Variants in SCD5 observed in about 807,000 individuals in gnomAD.
SCD5 encodes stearoyl-CoA desaturase 5.
Under a neutral mutation model 30.4 loss-of-function variants are expected in SCD5, and 20 were observed. The observed-to-expected ratio is 0.66, with a 90% CI of 0.46 to 0.96. SCD5 has a LOEUF of 0.96. SCD5 is among the 40% of genes least tolerant of loss of function. The probability of loss-of-function intolerance (pLI) is 0.00; values close to 1 mark genes in which losing one functional copy is unlikely to be tolerated. For missense variants in SCD5, 381 were observed against 443.3 expected, an observed-to-expected ratio of 0.86 and a Z score of 1.26; for synonymous variants, 173 against 176.4, an observed-to-expected ratio of 0.98 and a Z score of 0.16.
intron 3 of SCD5, among the ~76,000 whole-genome samples, chr4:82,666,729 A>C (rs2148818179): frequency 6.6e-6 from 1 of 152,348 alleles, no homozygotes; most frequent in East Asian, 1.9e-4. Context: ...TTTTCTCCTT[A>C]GCTTTGGTAG....
chr4:82,713,277 G>A lies in SCD5; in HGVS notation c.233-7864C>T, dbSNP rs372497744. On this transcript the variant is annotated intron_variant, in intron 1 of 4. Transcript: ENST00000319540. ...TGCCTTGGGTTAGGTCCATTTACAC[G>A]GTTGTAACATACTGGGCAACTGCTA... Among the ~76,000 whole-genome samples the A allele has an allele frequency of 1.1e-4, 16 of 152,104 alleles. 1 individual carries two copies. The highest frequency in any genetic ancestry group is 2.9e-4 in the African/African-American group (12 of 41,514).
chr4:82,705,373 A>T lies in SCD5; in HGVS notation c.273T>A (p.Ala91=). 6.2e-7 allele frequency: 1 copy of T among 1,614,240 alleles called. No homozygotes were observed. The highest frequency in any genetic ancestry group is 8.5e-7 in the Non-Finnish European group (1 of 1,180,042). The stretch of plus-strand genomic sequence containing the variant: ...TGTGGCTCCACAAGCGATGGGCACC[A>T]GCTGTCACACCCAGAGCGGCCAGGA... The part of the protein sequence containing the change: ...CFLLAALGVT[A]GAHRLWSHRS... The change falls in exon 2 of 5, where the codon GCT becomes GCA. Residue 91 remains alanine (A), a synonymous_variant. Coordinates refer to ENST00000319540, the MANE Select transcript of SCD5 (RefSeq NM_001037582.3).
intron 2 of SCD5, among the ~76,000 whole-genome samples, chr4:82,684,463 A>G (rs1728652507): frequency 1.3e-5 from 2 of 152,318 alleles, no homozygotes; most frequent in East Asian, 3.9e-4. Context: ...TGTTCACCCA[A>G]TCAATCACCT....
At chr4:82,706,911 T>A (rs1399903850) in intron 1 of SCD5, among the ~76,000 whole-genome samples, 1 of 152,236 alleles carries the variant, frequency 6.6e-6, no homozygotes, top group Non-Finnish European at 1.5e-5. Flanking sequence ...TAAATTCTGC[T>A]GAAGCTCTTG....
intron 1 of SCD5, among the ~76,000 whole-genome samples, chr4:82,727,219 T>C (rs372645353): frequency 1.2e-4 from 19 of 152,330 alleles, no homozygotes; most frequent in Admixed American, 3.3e-4. Flanking sequence ...AACAATGATA[T>C]GCAGTGGACA....
chr4:82,779,273 C>A (rs578054550), intron 1 of SCD5, among the ~76,000 whole-genome samples: 31 of 151,868 alleles, frequency 2.0e-4, no homozygotes, highest in African/African-American at 7.5e-4. Flanking sequence ...AGGAGGCCAG[C>A]GTGATGTCAT....
chr4:82,647,298 A>G (rs1174570266), intron 3 of SCD5, among the ~76,000 whole-genome samples: 2 of 151,802 alleles, frequency 1.3e-5, no homozygotes, highest in Non-Finnish European at 2.9e-5. Context: ...CAACAGACAG[A>G]GTACAATCCT....
intron 1 of SCD5, among the ~76,000 whole-genome samples, chr4:82,788,682 T>C (rs1268455761): frequency 6.6e-6 from 1 of 152,206 alleles, no homozygotes; most frequent in Non-Finnish European, 1.5e-5. Flanking sequence ...TGAGCCATTG[T>C]ACCTGGCCAC....
chr4:82,635,086 AG>A (rs1160471244), intron 4 of SCD5, among the ~76,000 whole-genome samples: 1 of 152,246 alleles, frequency 6.6e-6, no homozygotes, highest in Non-Finnish European at 1.5e-5. Context: ...TCTACTTAAC[AG>A]TAGGAACTTT....
intron 1 of SCD5, among the ~76,000 whole-genome samples, chr4:82,727,159 T>A (rs1376532400): frequency 6.6e-6 from 1 of 152,166 alleles, no homozygotes; most frequent in Non-Finnish European, 1.5e-5. Flanking sequence ...TCCACTCAGG[T>A]TCAAATGAAA....
intron 1 of SCD5, among the ~76,000 whole-genome samples, chr4:82,710,393 C>T (rs1720056335): frequency 6.6e-6 from 1 of 152,164 alleles, no homozygotes; most frequent in South Asian, 2.1e-4. Context: ...ACAATGTCAT[C>T]CTTTCATGTG....
intron 3 of SCD5, among the ~76,000 whole-genome samples, chr4:82,637,059 G>A (rs1727448960): frequency 6.6e-6 from 1 of 152,198 alleles, no homozygotes; most frequent in Non-Finnish European, 1.5e-5. Flanking sequence ...GCTATAGGAA[G>A]TGGTAGGCCC....
At chr4:82,767,529 C>G (rs983736363) in intron 1 of SCD5, among the ~76,000 whole-genome samples, 3 of 152,202 alleles carry the variant, frequency 2.0e-5, no homozygotes, top group African/African-American at 7.2e-5. Context: ...TGTCCAACAT[C>G]TGAAAACCCA....
rs1197884572 is a variant in SCD5 at position 82,730,199 on chromosome 4, AT to A, written c.233-24787del. 5.4e-5 allele frequency among the ~76,000 whole-genome samples: 8 copies of A among 147,858 alleles called. No individual in the cohort carries two copies. The Admixed American group carries it at 5.4e-4, about 10-fold the overall frequency. On this transcript the variant is annotated intron_variant, in intron 1 of 4. Transcript: ENST00000319540. The stretch of plus-strand genomic sequence containing the variant: ...AAGGGGGAAAATATATGTATTATAT[AT>A]TTTTATATAATACATATATTATATT...
At chr4:82,678,887 A>T (rs1342177824) in intron 3 of SCD5, among the ~76,000 whole-genome samples, 2 of 152,174 alleles carry the variant, frequency 1.3e-5, no homozygotes, top group African/African-American at 2.4e-5. Context: ...AACGTCAATA[A>T]ATCATTGAAT....
At chr4:82,665,971 TA>T in intron 3 of SCD5, among the ~76,000 whole-genome samples, 1 of 152,302 alleles carries the variant, frequency 6.6e-6, no homozygotes, top group East Asian at 1.9e-4. Context: ...GATTTGCATT[TA>T]AAAATTTTTC....
Position 82,730,471 on chromosome 4 carries a change from T to G in SCD5, c.233-25058A>C, listed in dbSNP as rs968563165. ...GCCACTATGCCTGGCTAATTTTTTGTATTTTTAGTAGAAACGGGGTTTCAC... is the reference window on the plus strand; with the variant it reads ...GCCACTATGCCTGGCTAATTTTTTGGATTTTTAGTAGAAACGGGGTTTCAC... On this transcript the variant is annotated intron_variant, in intron 1 of 4. Transcript: ENST00000319540. Among the ~76,000 whole-genome samples the G allele has an allele frequency of 2.0e-5, 3 of 150,826 alleles. No homozygotes were observed. In the South Asian group the frequency reaches 6.2e-4, roughly 31 times the overall value.
intron 3 of SCD5, among the ~76,000 whole-genome samples, chr4:82,674,792 G>A (rs900656718): frequency 2.6e-5 from 4 of 152,098 alleles, no homozygotes; most frequent in East Asian, 1.9e-4. Flanking sequence ...TATTCAGCAC[G>A]AAAAAGAAAT....
At chr4:82,788,368 A>G (rs548456788) in intron 1 of SCD5, among the ~76,000 whole-genome samples, 1 of 152,314 alleles carries the variant, frequency 6.6e-6, no homozygotes, top group East Asian at 1.9e-4. Context: ...CAAGGGACGC[A>G]TGACACAATC....
Sources: allele counts gnomAD v4.1 joint callset (sites outside exome capture counted in the v4.1 genomes callset), GRCh38; gene constraint gnomAD v4.1.1; transcripts MANE v1.5; gene names NCBI Gene and HGNC (gene_info 2026-07-23, HGNC 2026-07-21).